NAALADL2: variants seen among roughly 807,000 people sequenced by gnomAD.
NAALADL2 encodes inactive N-acetylated-alpha-linked acidic dipeptidase-like protein 2.
In NAALADL2, 76 loss-of-function variants were observed where a neutral mutation model predicts 87.2. The observed-to-expected ratio is 0.87, with a 90% confidence interval of 0.72 to 1.05. NAALADL2 has a LOEUF of 1.05. Ranked by LOEUF, NAALADL2 falls within the 50% of genes least tolerant of loss-of-function variation. The probability of loss-of-function intolerance (pLI) is 0.00; values close to 1 mark genes in which losing one functional copy is unlikely to be tolerated. For synonymous variants in NAALADL2, 354 were observed against 331.0 expected (o/e 1.07, Z -0.75); for missense variants, 1,089 against 945.8 (o/e 1.15, Z -1.99).
intron 2 of NAALADL2, among the ~76,000 whole-genome samples, chr3:175,173,309 AAAATAAATAAAT>A (rs55984097): frequency 1.5e-3 from 209 of 139,920 alleles, no homozygotes; most frequent in Middle Eastern, 7.2e-3. Flanking sequence ...ATAAATAAAT[AAAATAAATAAAT>A]AAATAAATAA....
intron 2 of NAALADL2, among the ~76,000 whole-genome samples, chr3:175,196,749 A>G (rs987924187): frequency 1.3e-5 from 2 of 151,972 alleles, no homozygotes; most frequent in African/African-American, 4.8e-5. Flanking sequence ...AGCTGCAGTA[A>G]TGGCCTCACA....
At chr3:175,208,544 C>T (rs945022007) in intron 2 of NAALADL2, among the ~76,000 whole-genome samples, 9 of 152,034 alleles carry the variant, frequency 5.9e-5, no homozygotes, top group Admixed American at 3.3e-4. Flanking sequence ...AGCATGTGCT[C>T]GATGAGTCAA....
intron 1 of NAALADL2, among the ~76,000 whole-genome samples, chr3:174,987,227 T>G (rs1344017010): frequency 6.6e-6 from 1 of 152,070 alleles, no homozygotes; most frequent in African/African-American, 2.4e-5. Flanking sequence ...CGAGTGTAAA[T>G]CTGCACTTTT....
chr3:175,501,200 C>T (rs1729493160), intron 9 of NAALADL2, among the ~76,000 whole-genome samples: 1 of 152,082 alleles, frequency 6.6e-6, no homozygotes, highest in South Asian at 2.1e-4. Flanking sequence ...AGGAAGCCAA[C>T]TCAAACTTGC....
At chr3:175,267,330 C>T (rs1752105485) in intron 4 of NAALADL2, among the ~76,000 whole-genome samples, 1 of 151,962 alleles carries the variant, frequency 6.6e-6, no homozygotes, top group Non-Finnish European at 1.5e-5. Context: ...AGCTCCAATC[C>T]AGTTTAAAAA....
At chr3:175,116,679 A>C (rs981875028) in intron 2 of NAALADL2, among the ~76,000 whole-genome samples, 4 of 152,164 alleles carry the variant, frequency 2.6e-5, no homozygotes, top group African/African-American at 7.2e-5. Context: ...TATGGATTCA[A>C]TGCCATCCCC....
At chr3:175,098,671 G>A (rs924961570) in intron 2 of NAALADL2, among the ~76,000 whole-genome samples, 10 of 152,172 alleles carry the variant, frequency 6.6e-5, no homozygotes, top group Admixed American at 3.3e-4. Context: ...GAAGGGATCC[G>A]CTGCCTGCAA....
At chr3:174,808,758 C>T (rs1162510928) in intron 3 of NAALADL2, among the ~76,000 whole-genome samples, 1 of 151,704 alleles carries the variant, frequency 6.6e-6, no homozygotes, top group Non-Finnish European at 1.5e-5. Flanking sequence ...CTTTCACAAG[C>T]AACTTTCCAA....
At chr3:174,575,966 C>T (rs771558630) in intron 2 of NAALADL2, among the ~76,000 whole-genome samples, 19 of 152,034 alleles carry the variant, frequency 1.2e-4, no homozygotes, top group Non-Finnish European at 7.4e-5. Flanking sequence ...CGGGTTAAAG[C>T]GATGATCCTG....
At chr3:175,411,027 C>T (rs186041250) in intron 5 of NAALADL2, among the ~76,000 whole-genome samples, 3 of 151,956 alleles carry the variant, frequency 2.0e-5, no homozygotes, top group South Asian at 2.1e-4. Context: ...GACCATTAGA[C>T]GGGCAAAAGA....
At chr3:174,654,570 G>C (rs1306214914) in intron 2 of NAALADL2, among the ~76,000 whole-genome samples, 1 of 152,040 alleles carries the variant, frequency 6.6e-6, no homozygotes, top group African/African-American at 2.4e-5. Flanking sequence ...GTATAAGCAA[G>C]AGCTGTCACT....
intron 4 of NAALADL2, among the ~76,000 whole-genome samples, chr3:175,291,841 A>G (rs1755675520): frequency 6.6e-6 from 1 of 152,224 alleles, no homozygotes; most frequent in Non-Finnish European, 1.5e-5. Context: ...GCAATTACCC[A>G]GTATAGTAAG....
At chr3:175,424,186 A>C (rs1413871525) in intron 5 of NAALADL2, among the ~76,000 whole-genome samples, 1 of 151,404 alleles carries the variant, frequency 6.6e-6, no homozygotes. Context: ...CAGATGCAAA[A>C]ATTTTGTCCC....
chr3:175,006,001 G>A (rs1243442684), intron 1 of NAALADL2, among the ~76,000 whole-genome samples: 2 of 152,112 alleles, frequency 1.3e-5, no homozygotes, highest in African/African-American at 4.8e-5. Context: ...CTGTGGTTAC[G>A]ATGTGCGCGG....
chr3:175,268,656 G>C (rs1198149326), intron 4 of NAALADL2, among the ~76,000 whole-genome samples: 1 of 151,814 alleles, frequency 6.6e-6, no homozygotes, highest in Non-Finnish European at 1.5e-5. Flanking sequence ...AAATATTTTT[G>C]TTTATATCCT....
chr3:174,650,930 A>G lies in NAALADL2; in HGVS notation c.-114-86711A>G, dbSNP rs906837552. On this transcript the variant is annotated intron_variant, in intron 2 of 3. Coordinates refer to the NAALADL2 transcript ENST00000434257. ...ATAATTTATTGCATTTAGCCTAATT[A>G]TCTTTTCCTTATGCATTTGGCCCTA... is the stretch of plus-strand genomic sequence containing the variant. 3.9e-5 allele frequency among the ~76,000 whole-genome samples: 6 copies of G among 152,148 alleles called. 1 individual carries two copies. Among genetic ancestry groups the G allele is most frequent in the African/African-American group, 1.4e-4 (6 of 41,450 alleles).
intron 2 of NAALADL2, among the ~76,000 whole-genome samples, chr3:174,627,396 C>T (rs1053653107): frequency 6.6e-6 from 1 of 152,158 alleles, no homozygotes; most frequent in African/African-American, 2.4e-5. Flanking sequence ...CCATCTTACA[C>T]AGATCAGAAT....
At chr3:175,353,695 G>C (rs546878413) in intron 5 of NAALADL2, among the ~76,000 whole-genome samples, 3 of 152,146 alleles carry the variant, frequency 2.0e-5, no homozygotes, top group Admixed American at 6.5e-5. Flanking sequence ...GAAAGGAAAA[G>C]ATTTGAAATC....
intron 11 of NAALADL2, among the ~76,000 whole-genome samples, chr3:175,674,254 T>TC (rs1734417841): frequency 6.7e-6 from 1 of 149,138 alleles, no homozygotes; most frequent in African/African-American, 2.6e-5. Flanking sequence ...AGTGTTTTTT[T>TC]TTTTTGTTTG....
Sources: gnomAD v4.1 joint callset for allele counts (sites outside exome capture counted in the v4.1 genomes callset) on GRCh38, gnomAD v4.1.1 for gene constraint, MANE v1.5 for transcripts, NCBI Gene and HGNC (gene_info 2026-07-23, HGNC 2026-07-21) for gene names.